Variants in ANK2 observed in about 807,000 individuals in gnomAD.
The protein encoded by ANK2 is ankyrin-2.
In ANK2, 83 loss-of-function variants were observed where a neutral mutation model predicts 360.5. The ratio of observed to expected loss-of-function variants is 0.23; its 90% confidence interval spans 0.19 to 0.28. The LOEUF (loss-of-function observed/expected upper bound fraction) is 0.28, where lower values mean the gene tolerates loss of function less well. Among genes scored for constraint, ANK2 ranks in the 10% least tolerant of loss-of-function variants. The probability of loss-of-function intolerance (pLI) is 1.00; values close to 1 mark genes in which losing one functional copy is unlikely to be tolerated. For synonymous variants in ANK2, 1,740 were observed against 1,759.5 expected, an observed-to-expected ratio of 0.99 and a Z score of 0.28; for missense variants, 4,201 against 4,795.7, an observed-to-expected ratio of 0.88 and a Z score of 3.66.
At chr4:113,271,456 G>A (rs192552462) in intron 14 of ANK2, among the ~76,000 whole-genome samples, 96 of 137,702 alleles carry the variant, frequency 7.0e-4, no homozygotes, top group African/African-American at 2.2e-3. Context: ...CTCACCGCAC[G>A]CATGCGTGCA....
intron 4 of ANK2, among the ~76,000 whole-genome samples, chr4:113,217,699 C>T (rs1414209644): frequency 6.6e-6 from 1 of 152,108 alleles, no homozygotes; most frequent in East Asian, 1.9e-4. Context: ...GGCGGTAATG[C>T]TCACTCGCCG....
chr4:112,805,675 G>A, the ANK2 span, among the ~76,000 whole-genome samples: 8 of 151,358 alleles, frequency 5.3e-5, no homozygotes, highest in Non-Finnish European at 7.4e-5. Flanking sequence ...TCTGCCTCCC[G>A]GGTTCAAGCG....
At chr4:113,114,459 T>A (rs2094569150) in intron 1 of ANK2, among the ~76,000 whole-genome samples, 1 of 152,158 alleles carries the variant, frequency 6.6e-6, no homozygotes, top group Non-Finnish European at 1.5e-5. Context: ...TATCACCTGG[T>A]TCATTACCTT....
At position 113,196,478 on chromosome 4, in the gene ANK2, G is replaced by A. The variant is rs752639381; in HGVS notation, c.285+12G>A. ...ATTCTGCCACTAAGGTAACATTTAT[G>A]TTGGTAGAACATTTTTTTCCTTAGA... On this transcript the variant is annotated intron_variant, in intron 3 of 45. Transcript: ENST00000357077. 10 of 1,603,288 alleles carry A rather than the reference G, an allele frequency of 6.2e-6. No homozygotes were observed. The highest frequency in any genetic ancestry group is 2.2e-5 in the South Asian group (2 of 89,908).
Position 113,191,491 on chromosome 4 carries a change from A to G in ANK2, c.187-4877A>G, listed in dbSNP as rs79941857. ...CCTAGGTTTTATTGTAATTCAAAAT[A>G]CTTAAAAAAATACATCACTTTTGCA... On this transcript the variant is annotated intron_variant, in intron 2 of 45. Coordinates refer to ENST00000357077, the MANE Select transcript of ANK2 (RefSeq NM_001148.6). 1.5e-3 allele frequency among the ~76,000 whole-genome samples: 229 copies of G among 152,334 alleles called. 1 individual carries two copies. Among genetic ancestry groups the G allele is most frequent in the African/African-American group, 4.9e-3 (204 of 41,558 alleles).
At chr4:113,188,422 C>A (rs1322690729) in intron 2 of ANK2, among the ~76,000 whole-genome samples, 1 of 152,224 alleles carries the variant, frequency 6.6e-6, no homozygotes, top group South Asian at 2.1e-4. Context: ...TATTTACAAA[C>A]CAACTCTTAA....
intron 2 of ANK2, among the ~76,000 whole-genome samples, chr4:112,923,177 G>A (rs1389004812): frequency 1.3e-5 from 2 of 151,982 alleles, no homozygotes; most frequent in Non-Finnish European, 2.9e-5. Context: ...TCAACACATA[G>A]CACTAAACTA....
chr4:112,757,222 C>CCTGCCT, the ANK2 span, among the ~76,000 whole-genome samples: 1 of 150,970 alleles, frequency 6.6e-6, no homozygotes, highest in African/African-American at 2.4e-5. Context: ...GAGTGAGTCT[C>CCTGCCT]CTGCCTCTGC....
At chr4:112,976,584 T>C (rs769183152) in intron 2 of ANK2, among the ~76,000 whole-genome samples, 2 of 152,192 alleles carry the variant, frequency 1.3e-5, no homozygotes, top group African/African-American at 4.8e-5. Flanking sequence ...CATTCAGTAG[T>C]GTATGAGAAC....
In ANK2 at chr4:113,181,984, C is replaced by T. The variant is rs541045791; in HGVS notation, c.186+7467C>T. Among the ~76,000 whole-genome samples, 3 of 115,832 alleles carry T rather than the reference C, an allele frequency of 2.6e-5. No individual in the cohort carries two copies. In the South Asian group the frequency reaches 8.5e-4, roughly 33 times the overall value. 76.0% of individuals were successfully genotyped at this position (115,832 alleles called of 152,430 possible). A position where few individuals can be genotyped will look rare whatever the true frequency, so the allele number is the denominator to read the frequency against. ...GCTGACGAGTCTTAATAGTAAGGCTCAGGCTGAAAGGGAACAAGGGCAGAA... is the reference window on the plus strand; with the variant it reads ...GCTGACGAGTCTTAATAGTAAGGCTTAGGCTGAAAGGGAACAAGGGCAGAA... On this transcript the variant is annotated intron_variant, in intron 2 of 45. Transcript: ENST00000357077.
intron 4 of ANK2, 90 bp downstream of exon 4, chr4:113,199,199 C>A: frequency 9.9e-7 from 1 of 1,009,530 alleles, no homozygotes; most frequent in African/African-American, 1.6e-5. Flanking sequence ...AGCTGTTCTA[C>A]TGATAAATTT....
intron 1 of ANK2, chr4:113,160,257 G>T (rs910334101): frequency 9.0e-6 from 3 of 332,960 alleles, no homozygotes; most frequent in South Asian, 4.9e-5. Flanking sequence ...TAGAGACAGG[G>T]TCTCACTATG....
upstream of ANK2, among the ~76,000 whole-genome samples, chr4:112,813,562 G>T (rs180983839): frequency 8.2e-4 from 124 of 151,122 alleles, no homozygotes; most frequent in South Asian, 1.7e-3. Context: ...TTGAGACAGG[G>T]TCTCACTCTG....
At chr4:113,273,262 A>T (rs1430107374) in intron 14 of ANK2, among the ~76,000 whole-genome samples, 3 of 152,226 alleles carry the variant, frequency 2.0e-5, no homozygotes, top group Non-Finnish European at 4.4e-5. Flanking sequence ...GACCTGGAAA[A>T]TGGTCTAATA....
intron 14 of ANK2, among the ~76,000 whole-genome samples, chr4:113,268,463 G>C (rs1365393294): frequency 6.6e-6 from 1 of 152,042 alleles, no homozygotes; most frequent in Non-Finnish European, 1.5e-5. Context: ...AGCATGAAGG[G>C]GTGTTGAATT....
intron 2 of ANK2, among the ~76,000 whole-genome samples, chr4:112,977,197 A>G (rs1222628774): frequency 6.6e-6 from 1 of 152,134 alleles, no homozygotes; most frequent in Non-Finnish European, 1.5e-5. Flanking sequence ...TCTTAAAAAA[A>G]CAACGAGTTG....
chr4:113,310,801 G>T (rs932846251), intron 23 of ANK2, among the ~76,000 whole-genome samples: 1 of 152,196 alleles, frequency 6.6e-6, no homozygotes, highest in Non-Finnish European at 1.5e-5. Context: ...TTATGTGACA[G>T]ATTCTGTATT....
chr4:113,104,737 AAC>A (rs869180924), intron 1 of ANK2, among the ~76,000 whole-genome samples: 2 of 151,936 alleles, frequency 1.3e-5, no homozygotes, highest in Admixed American at 1.3e-4. Context: ...CAACAACAAC[AAC>A]AATAACAACA....
chr4:112,726,851 C>CAAA, the ANK2 span, among the ~76,000 whole-genome samples: 3 of 69,330 alleles, frequency 4.3e-5, no homozygotes, highest in Non-Finnish European at 6.2e-5. Context: ...GACTCTGTCT[C>CAAA]AAAAAAAAAA....
Sources: gnomAD v4.1 joint callset for allele counts (sites outside exome capture counted in the v4.1 genomes callset) on GRCh38, gnomAD v4.1.1 for gene constraint, MANE v1.5 for transcripts, NCBI Gene and HGNC (gene_info 2026-07-23, HGNC 2026-07-21) for gene names.